GRIK4: variants seen among roughly 807,000 people sequenced by gnomAD.
The protein encoded by GRIK4 is glutamate receptor ionotropic, kainate 4.
A neutral mutation model predicts 104.9 loss-of-function variants in GRIK4; 40 were observed. The observed-to-expected ratio is 0.38, with a 90% CI of 0.30 to 0.50. The LOEUF is 0.50. GRIK4 is among the 20% of genes least tolerant of loss of function. The pLI is 0.93. For synonymous variants in GRIK4, 485 were observed against 524.9 expected (o/e 0.92, Z 1.04); for missense variants, 1,047 against 1,308.1 (o/e 0.80, Z 3.08).
intron 3 of GRIK4, among the ~76,000 whole-genome samples, chr11:120,694,941 C>G (rs1950418268): frequency 6.6e-6 from 1 of 152,234 alleles, no homozygotes; most frequent in Non-Finnish European, 1.5e-5. Context: ...GATTATCATT[C>G]TTGGCTTCAT....
At chr11:120,529,621 G>A (rs1274776097) in intron 1 of GRIK4, among the ~76,000 whole-genome samples, 2 of 152,230 alleles carry the variant, frequency 1.3e-5, no homozygotes, top group Non-Finnish European at 2.9e-5. Flanking sequence ...GAAAAGTGCT[G>A]TCTGTCACTT....
intron 13 of GRIK4, among the ~76,000 whole-genome samples, chr11:120,919,170 G>T (rs573495734): frequency 6.6e-6 from 1 of 152,314 alleles, no homozygotes; most frequent in Admixed American, 6.5e-5. Flanking sequence ...GGAGAGAGTT[G>T]CCGGCAGAGG....
At chr11:120,557,910 C>A (rs575318573) in intron 1 of GRIK4, among the ~76,000 whole-genome samples, 1 of 147,426 alleles carries the variant, frequency 6.8e-6, no homozygotes, top group Non-Finnish European at 1.5e-5. Context: ...CCCAGCTACT[C>A]GGGAGGCTGA....
chr11:120,821,725 C>T (rs992056841), intron 6 of GRIK4, among the ~76,000 whole-genome samples: 1 of 152,210 alleles, frequency 6.6e-6, no homozygotes, highest in African/African-American at 2.4e-5. Flanking sequence ...CTGAGTGGCA[C>T]CAGCAAGTTG....
chr11:120,628,414 G>A (rs1424189108), intron 1 of GRIK4, among the ~76,000 whole-genome samples: 1 of 152,198 alleles, frequency 6.6e-6, no homozygotes, highest in Non-Finnish European at 1.5e-5. Context: ...AAACAAGGAT[G>A]TGACTCTTGA....
intron 2 of GRIK4, among the ~76,000 whole-genome samples, chr11:120,657,239 A>G (rs201277029): frequency 5.9e-5 from 9 of 152,150 alleles, no homozygotes; most frequent in Non-Finnish European, 1.0e-4. Flanking sequence ...CCCCACCTCT[A>G]TTGAGCTTAA....
intron 1 of GRIK4, among the ~76,000 whole-genome samples, chr11:120,642,748 A>C (rs1591762717): frequency 6.6e-6 from 1 of 152,212 alleles, no homozygotes; most frequent in East Asian, 1.9e-4. Context: ...CCTTGCGTCC[A>C]GGATGAGAAC....
At chr11:120,834,304 A>G (rs1953516147) in intron 7 of GRIK4, among the ~76,000 whole-genome samples, 1 of 113,244 alleles carries the variant, frequency 8.8e-6, no homozygotes, top group African/African-American at 3.1e-5. Flanking sequence ...GTGTGTGGCC[A>G]TGCTTTTGAA....
intron 11 of GRIK4, among the ~76,000 whole-genome samples, chr11:120,880,558 A>C (rs1954940099): frequency 6.6e-6 from 1 of 152,216 alleles, no homozygotes. Flanking sequence ...CACTATGCAG[A>C]GTTGTCCCAG....
At chr11:120,837,756 C>T (rs1953612195) in intron 8 of GRIK4, among the ~76,000 whole-genome samples, 1 of 151,776 alleles carries the variant, frequency 6.6e-6, no homozygotes, top group Non-Finnish European at 1.5e-5. Flanking sequence ...AAGGATTAGA[C>T]TACTCCCAGA....
intron 1 of GRIK4, among the ~76,000 whole-genome samples, chr11:120,540,740 G>A (rs573824870): frequency 6.6e-6 from 1 of 152,308 alleles, no homozygotes; most frequent in South Asian, 2.1e-4. Context: ...ATGCAAAGAT[G>A]TGAGTACAGT....
At chr11:120,915,794 A>G (rs1943093401) in intron 13 of GRIK4, among the ~76,000 whole-genome samples, 1 of 152,164 alleles carries the variant, frequency 6.6e-6, no homozygotes, top group Non-Finnish European at 1.5e-5. Flanking sequence ...GAAGCTCTAC[A>G]CTCATGAGTT....
chr11:120,665,028 T>C (rs980127197), intron 3 of GRIK4, among the ~76,000 whole-genome samples: 3 of 152,188 alleles, frequency 2.0e-5, no homozygotes, highest in Admixed American at 2.0e-4. Flanking sequence ...TTTTACTTAG[T>C]TGGTTTCCCC....
intron 3 of GRIK4, among the ~76,000 whole-genome samples, chr11:120,661,012 G>C (rs940654563): frequency 6.6e-6 from 1 of 152,150 alleles, no homozygotes; most frequent in Non-Finnish European, 1.5e-5. Context: ...ATCCCTGGAG[G>C]GGCGGGTCTG....
intron 3 of GRIK4, among the ~76,000 whole-genome samples, chr11:120,751,315 C>T (rs1232267707): frequency 6.6e-6 from 1 of 151,862 alleles, no homozygotes; most frequent in East Asian, 1.9e-4. Context: ...AGTGCCATTC[C>T]AATATAAAAG....
chr11:120,849,163 G>A (rs867578751), intron 8 of GRIK4, among the ~76,000 whole-genome samples: 165 of 150,000 alleles, frequency 1.1e-3, no homozygotes, highest in East Asian at 2.1e-3. Flanking sequence ...CCCAACGCGC[G>A]CACACACACA....
intron 5 of GRIK4, among the ~76,000 whole-genome samples, chr11:120,816,290 C>T (rs7104999): frequency 1.3e-5 from 2 of 151,748 alleles, no homozygotes; most frequent in African/African-American, 4.8e-5. Flanking sequence ...CAGATATATC[C>T]TCGGGAGACA....
chr11:120,714,791 G>T (rs1002449788), intron 3 of GRIK4, among the ~76,000 whole-genome samples: 2 of 152,222 alleles, frequency 1.3e-5, no homozygotes, highest in Non-Finnish European at 2.9e-5. Flanking sequence ...TGTAGGGAGA[G>T]GGGGAGGTGG....
chr11:120,637,761 C>T (rs1170125091), intron 1 of GRIK4, among the ~76,000 whole-genome samples: 2 of 152,182 alleles, frequency 1.3e-5, no homozygotes, highest in Admixed American at 6.5e-5. Flanking sequence ...AAAGCCGACA[C>T]TGCAGAATGC....
Sources: gnomAD v4.1 joint callset for allele counts (sites outside exome capture counted in the v4.1 genomes callset) on GRCh38, gnomAD v4.1.1 for gene constraint, MANE v1.5 for transcripts, NCBI Gene and HGNC (gene_info 2026-07-23, HGNC 2026-07-21) for gene names.